AGTRAP: variants seen among roughly 807,000 people sequenced by gnomAD.
The protein encoded by AGTRAP is angiotensin II receptor associated protein.
Under a neutral mutation model 15.2 loss-of-function variants are expected in AGTRAP, and 7 were observed. The observed-to-expected ratio is 0.46, with a 90% CI of 0.26 to 0.87. AGTRAP has a LOEUF of 0.87. Ranked by LOEUF, AGTRAP falls within the 40% of genes least tolerant of loss-of-function variation. The pLI, the probability that AGTRAP is intolerant of heterozygous loss-of-function variation, is 0.15. For missense variants in AGTRAP, 187 were observed against 213.4 expected (o/e 0.88, Z 0.77); for synonymous variants, 74 against 89.6 (o/e 0.83, Z 0.98).
intron 1 of AGTRAP, among the ~76,000 whole-genome samples, chr1:11,737,634 A>AT (rs1641931579): frequency 6.6e-6 from 1 of 152,214 alleles, no homozygotes; most frequent in South Asian, 2.1e-4. Flanking sequence ...ATTTGAACCC[A>AT]TAGGGATCAG....
intron 1 of AGTRAP, chr1:11,744,392 T>C (rs1466154405): frequency 1.8e-6 from 1 of 560,208 alleles, no homozygotes; most frequent in Admixed American, 3.3e-5. Flanking sequence ...TAGAAAAGTC[T>C]CAGTGGTGTC....
At chr1:11,749,401 AC>A in intron 4 of AGTRAP, among the ~76,000 whole-genome samples, 1 of 151,740 alleles carries the variant, frequency 6.6e-6, no homozygotes, top group Non-Finnish European at 1.5e-5. Context: ...ACAGTGGCTG[AC>A]CTCAGCACTG....
intron 1 of AGTRAP, among the ~76,000 whole-genome samples, chr1:11,739,308 T>A (rs2100761800): frequency 2.0e-5 from 3 of 152,260 alleles, no homozygotes. Flanking sequence ...CCTAGCACTT[T>A]GGGAGACCCA....
Position 11,748,465 on chromosome 1 carries a change from C to T in AGTRAP, c.219C>T (p.Ser73=). The T allele has an allele frequency of 6.2e-7, 1 of 1,613,926 alleles. No homozygotes were observed. The highest frequency in any genetic ancestry group is 2.2e-5 in the East Asian group (1 of 44,876). The part of the protein sequence containing the change: ...ATIFLDIVHI[S]IFYPRVSLTD... ...TCTTCCTGGACATCGTGCACATCAG[C>T]ATCTTCTACCCGCGGGTCAGCCTCA... is the stretch of plus-strand genomic sequence containing the variant. The change falls in exon 4 of 5, where the codon AGC becomes AGT. Residue 73 remains serine, a synonymous_variant. Coordinates refer to ENST00000314340, the MANE Select transcript of AGTRAP (RefSeq NM_020350.5).
Position 11,750,561 on chromosome 1 carries a change from G to A in AGTRAP, c.*369G>A, listed in dbSNP as rs979299098. The A allele has an allele frequency of 7.9e-6, 4 of 505,208 alleles. No homozygotes were observed. Among genetic ancestry groups the A allele is most frequent in the African/African-American group, 3.8e-5 (2 of 52,182 alleles). The allele number at this position is 505,208 out of a possible 1,614,324, so 31.3% of individuals were successfully genotyped here. On this transcript the variant is annotated 3_prime_UTR_variant, in exon 5 of 5. Coordinates refer to ENST00000314340, the MANE Select transcript of AGTRAP (RefSeq NM_020350.5). ...CCTCAGGCCTCCCCCAAGTTTGCTGGGCTTTGGTGGAAGCCCTGAGAGCTT... is the reference window on the plus strand; with the variant it reads ...CCTCAGGCCTCCCCCAAGTTTGCTGAGCTTTGGTGGAAGCCCTGAGAGCTT...
intron 4 of AGTRAP, 51 bp from the exon 5 acceptor site, chr1:11,750,026 C>A: frequency 6.8e-7 from 1 of 1,481,284 alleles, no homozygotes; most frequent in Non-Finnish European, 9.3e-7. Context: ...GCTGAACATC[C>A]CGAGTTCTCA....
At chr1:11,739,440 A>G (rs1213262382) in intron 1 of AGTRAP, among the ~76,000 whole-genome samples, 1 of 152,108 alleles carries the variant, frequency 6.6e-6, no homozygotes, top group Non-Finnish European at 1.5e-5. Flanking sequence ...AGTCCCAGCT[A>G]TTCAGGAGGT....
rs748705898 is a variant in AGTRAP at position 11,750,200 on chromosome 1, C to T, written c.*8C>T. 7 of 1,608,656 alleles carry T rather than the reference C, an allele frequency of 4.4e-6. No homozygotes were observed. The Admixed American group carries it at 5.0e-5, about 12-fold the overall frequency. On this transcript the variant is annotated 3_prime_UTR_variant, in exon 5 of 5. Coordinates refer to ENST00000314340, the MANE Select transcript of AGTRAP (RefSeq NM_020350.5). ...GATGCCCGAGGGTACTGAAGCCAGC[C>T]ACGCTGCGCCCGGCCCTGCCCCGGG...
chr1:11,748,351 T>C, intron 3 of AGTRAP, 64 bp from the exon 4 acceptor site: 1 of 1,540,452 alleles, frequency 6.5e-7, no homozygotes, highest in South Asian at 1.2e-5. Context: ...CCATCCGGTG[T>C]GTGGCGGGGG....
chr1:11,749,820 C>T (rs1452097403), intron 4 of AGTRAP, among the ~76,000 whole-genome samples: 1 of 152,100 alleles, frequency 6.6e-6, no homozygotes, highest in African/African-American at 2.4e-5. Context: ...GGGCAAGTCA[C>T]TTCATCCCTT....
chr1:11,740,665 G>A (rs1396545249), intron 1 of AGTRAP, among the ~76,000 whole-genome samples: 1 of 152,108 alleles, frequency 6.6e-6, no homozygotes, highest in Non-Finnish European at 1.5e-5. Flanking sequence ...GGCCCCCCTG[G>A]GACTCAGCCT....
At chr1:11,739,687 C>A (rs552716755) in intron 1 of AGTRAP, among the ~76,000 whole-genome samples, 1 of 152,340 alleles carries the variant, frequency 6.6e-6, no homozygotes, top group East Asian at 1.9e-4. Flanking sequence ...TACAGTTACA[C>A]GGATGACATG....
chr1:11,746,131 T>C (rs1642157564), intron 2 of AGTRAP: 1 of 1,613,422 alleles, frequency 6.2e-7, no homozygotes, highest in Non-Finnish European at 8.5e-7. Flanking sequence ...GTTGAGCTTC[T>C]GGAGACATTT....
intron 1 of AGTRAP, among the ~76,000 whole-genome samples, chr1:11,736,513 C>T (rs1421357032): frequency 6.6e-6 from 1 of 152,184 alleles, no homozygotes; most frequent in Non-Finnish European, 1.5e-5. Context: ...CAGCGGGCAG[C>T]GCCGGTCCCA....
chr1:11,746,611 A>G, intron 2 of AGTRAP: 1 of 180,172 alleles, frequency 5.6e-6, no homozygotes, highest in South Asian at 1.2e-4. Context: ...CCAGACTCCA[A>G]ATCCCAGCCC....
rs1642144841 is a variant in AGTRAP, at chr1:11,745,730, T to C, written c.28-73T>C. ...AGGCGCAGGGGCGTCCTGTGTTTTC[T>C]GCACCCGACGCTTTCCTGCCCCTGT... On this transcript the variant is annotated intron_variant, in intron 1 of 4. Transcript: ENST00000314340. This position sits in a 1 kb window ranked among gnomAD's most constrained non-coding sequence, Gnocchi z 4.2. 2 of 1,546,956 alleles carry C rather than the reference T, an allele frequency of 1.3e-6. No homozygotes were observed. Among genetic ancestry groups the C allele is most frequent in the Non-Finnish European group, 1.8e-6 (2 of 1,119,026 alleles).
Position 11,750,362 on chromosome 1 carries a change from C to T in AGTRAP, c.*170C>T. On this transcript the variant is annotated 3_prime_UTR_variant, in exon 5 of 5. Transcript: ENST00000314340. Reference sequence around the variant, plus strand: ...CCCCCATGGGCCGCCCAGTACCATGCACACTCCTGTCCCGAACTCCCTGAG... The same window carrying T: ...CCCCCATGGGCCGCCCAGTACCATGTACACTCCTGTCCCGAACTCCCTGAG... 1.4e-6 allele frequency: 1 copy of T among 692,364 alleles called. No homozygotes were observed. The allele number at this position is 692,364 out of a possible 1,614,324, so 42.9% of individuals were successfully genotyped here. A position where few individuals can be genotyped will look rare whatever the true frequency, so the allele number is the denominator to read the frequency against.
At chr1:11,736,830 G>A (rs1376254974) in intron 1 of AGTRAP, among the ~76,000 whole-genome samples, 1 of 152,224 alleles carries the variant, frequency 6.6e-6, no homozygotes, top group Non-Finnish European at 1.5e-5. Flanking sequence ...AAACACTGCA[G>A]GGCTTCCTGT....
rs145297920 is a variant in AGTRAP at position 11,736,870 on chromosome 1, AGTCCGG to A, written c.27+639_27+644del. On this transcript the variant is annotated intron_variant, in intron 1 of 4. Transcript: ENST00000314340. Reference sequence around the variant, plus strand: ...TCTTCATTTCCCGAGCCGTGAGCTCAGTCCGGGTCTGGGTGCCAGCGGCTGTTCTTT... The same window carrying A: ...TCTTCATTTCCCGAGCCGTGAGCTCAGTCTGGGTGCCAGCGGCTGTTCTTT... Among the ~76,000 whole-genome samples, 978 of 142,674 alleles carry A rather than the reference AGTCCGG, an allele frequency of 6.9e-3. 8 individuals carry two copies. The highest frequency in any genetic ancestry group is 0.021 in the African/African-American group (876 of 40,790). The allele number at this position is 142,674 out of a possible 152,430, so 93.6% of individuals were successfully genotyped here.
Sources: gnomAD v4.1 joint callset for allele counts (sites outside exome capture counted in the v4.1 genomes callset) on GRCh38, gnomAD v4.1.1 for gene constraint, Gnocchi (gnomAD v3.1) non-coding constraint, MANE v1.5 for transcripts, NCBI Gene and HGNC (gene_info 2026-07-23, HGNC 2026-07-21) for gene names.